Variants in ZDHHC15 observed in about 807,000 individuals in gnomAD.
The protein encoded by ZDHHC15 is zDHHC palmitoyltransferase 15, also known as palmitoyltransferase ZDHHC15.
A neutral mutation model predicts 31.7 loss-of-function variants in ZDHHC15; 19 were observed. The observed-to-expected ratio is 0.60, with a 90% CI of 0.42 to 0.88. The LOEUF (loss-of-function observed/expected upper bound fraction) is 0.88. ZDHHC15 is among the 40% of genes least tolerant of loss of function. The pLI is 0.00. For synonymous variants in ZDHHC15, 103 were observed against 90.0 expected (o/e 1.14, Z -0.82); for missense variants, 209 against 251.2 (o/e 0.83, Z 1.14).
intron 2 of ZDHHC15, among the ~76,000 whole-genome samples, chrX:75,481,771 C>G (rs1383469431): frequency 9.0e-6 from 1 of 111,450 alleles, no homozygotes; most frequent in Non-Finnish European, 1.9e-5. Flanking sequence ...CAGTCCCAGT[C>G]CAGAGTGCTT....
At chrX:75,380,395 T>A (rs946257015) in intron 10 of ZDHHC15, among the ~76,000 whole-genome samples, 2 of 112,011 alleles carry the variant, frequency 1.8e-5, no homozygotes, top group African/African-American at 6.5e-5. Flanking sequence ...TTTTTAGGTG[T>A]GGTTTGGTGA....
intron 2 of ZDHHC15, among the ~76,000 whole-genome samples, chrX:75,491,784 G>A (rs1450801213): frequency 9.0e-6 from 1 of 110,939 alleles, no homozygotes; most frequent in Admixed American, 9.6e-5. Context: ...AAGAGCTCCT[G>A]AAGGAAGCGC....
At chrX:75,456,492 T>TA (rs1232405871) in intron 3 of ZDHHC15, among the ~76,000 whole-genome samples, 1 of 110,383 alleles carries the variant, frequency 9.1e-6, no homozygotes, top group Non-Finnish European at 1.9e-5. Context: ...CCCTAGAACT[T>TA]AAAGTATAAT....
intron 3 of ZDHHC15, among the ~76,000 whole-genome samples, chrX:75,455,714 G>A (rs1206849696): frequency 8.9e-6 from 1 of 112,133 alleles, no homozygotes; most frequent in Non-Finnish European, 1.9e-5. Context: ...GATATGAACA[G>A]ACACTTTTCA....
chrX:75,401,636 G>A (rs2083359147), intron 10 of ZDHHC15, among the ~76,000 whole-genome samples: 1 of 112,149 alleles, frequency 8.9e-6, no homozygotes, highest in East Asian at 2.8e-4. Flanking sequence ...TATAAAAAAA[G>A]ACAAGGAAGG....
chrX:75,478,912 G>C lies in ZDHHC15; in HGVS notation c.237C>G (p.Leu79=), dbSNP rs1021256083. ...TTACCTTCTGGTTTGGCTGCTGTGG[G>C]AGTGTAAAGATAGACTTCCAGTAGG... The part of the protein sequence containing the change: ...TWTYWKSIFT[L]PQQPNQKFHL... Residue 79 remains leucine, a synonymous_variant, in exon 3 of 12, where the codon CTC becomes CTG. Coordinates refer to ENST00000373367, the MANE Select transcript of ZDHHC15 (RefSeq NM_144969.3). 2 of 1,201,797 alleles carry C rather than the reference G, an allele frequency of 1.7e-6. No homozygotes were observed. The highest frequency in any genetic ancestry group is 3.5e-5 in the African/African-American group (2 of 56,620).
At chrX:75,479,035 A>C in intron 2 of ZDHHC15, 50 bp from the exon 3 acceptor site, 1 of 877,933 alleles carries the variant, frequency 1.1e-6, no homozygotes, top group South Asian at 2.9e-5. Flanking sequence ...ATCCATTTCT[A>C]AGAATTCAAA....
chrX:75,406,818 A>G (rs769740152), intron 10 of ZDHHC15, among the ~76,000 whole-genome samples: 2 of 111,699 alleles, frequency 1.8e-5, no homozygotes, highest in South Asian at 7.5e-4. Flanking sequence ...AGGTGGGAAT[A>G]CTACTAAACT....
intron 7 of ZDHHC15, among the ~76,000 whole-genome samples, chrX:75,427,384 C>G (rs1046483467): frequency 8.9e-6 from 1 of 111,773 alleles, no homozygotes; most frequent in African/African-American, 3.2e-5. Flanking sequence ...TAATTCATAT[C>G]CAAATATTAT....
chrX:75,454,268 T>G (rs753354883), intron 3 of ZDHHC15, among the ~76,000 whole-genome samples: 1 of 111,624 alleles, frequency 9.0e-6, no homozygotes, highest in Admixed American at 9.6e-5. Flanking sequence ...AAATCATGAG[T>G]GAACTCCCAT....
rs190091506 is a variant in ZDHHC15 at position 75,395,474 on chromosome X, A to G, written c.968-16276T>C. Among the ~76,000 whole-genome samples, 885 of 111,734 alleles carry G rather than the reference A, an allele frequency of 7.9e-3. 11 individuals carry two copies. Among genetic ancestry groups the G allele is most frequent in the African/African-American group, 0.026 (816 of 30,824 alleles). ...TCACAATAGGTAAAATAAAATACCC[A>G]TAAATTAGCTTAACCAAAGAAGTGA... On this transcript the variant is annotated intron_variant, in intron 10 of 11. Coordinates refer to ENST00000373367, the MANE Select transcript of ZDHHC15 (RefSeq NM_144969.3).
At chrX:75,386,635 C>T (rs1280577750) in intron 10 of ZDHHC15, among the ~76,000 whole-genome samples, 2 of 109,812 alleles carry the variant, frequency 1.8e-5, no homozygotes, top group African/African-American at 6.6e-5. Context: ...ACCACGACAC[C>T]CAGTTAATTT....
chrX:75,447,861 C>T (rs1477686604), intron 4 of ZDHHC15, among the ~76,000 whole-genome samples: 2 of 111,775 alleles, frequency 1.8e-5, no homozygotes, highest in African/African-American at 3.3e-5. Context: ...TTGGAATCCT[C>T]GTATCTCTGA....
At chrX:75,487,833 C>T (rs1262303464) in intron 2 of ZDHHC15, among the ~76,000 whole-genome samples, 1 of 111,647 alleles carries the variant, frequency 9.0e-6, no homozygotes, top group Admixed American at 9.5e-5. Flanking sequence ...TCATAAAAGA[C>T]AAACACAAAT....
intron 3 of ZDHHC15, among the ~76,000 whole-genome samples, chrX:75,462,400 G>A (rs768267041): frequency 9.2e-4 from 103 of 111,993 alleles, no homozygotes; most frequent in Non-Finnish European, 1.4e-3. Flanking sequence ...TGCAGAACCC[G>A]AACACATCTC....
intron 10 of ZDHHC15, among the ~76,000 whole-genome samples, chrX:75,407,267 T>A (rs2083424016): frequency 9.1e-6 from 1 of 109,494 alleles, no homozygotes; most frequent in Admixed American, 9.5e-5. Context: ...CCGCCCCGTC[T>A]GAGAAGTGAG....
intron 10 of ZDHHC15, among the ~76,000 whole-genome samples, chrX:75,407,178 C>T (rs941508494): frequency 6.4e-5 from 7 of 110,119 alleles, no homozygotes; most frequent in Non-Finnish European, 9.5e-5. Context: ...TCTGCCTGGC[C>T]GCGACCCCAT....
intron 10 of ZDHHC15, among the ~76,000 whole-genome samples, chrX:75,392,632 G>C (rs1244805456): frequency 8.9e-6 from 1 of 111,938 alleles, no homozygotes; most frequent in Non-Finnish European, 1.9e-5. Context: ...AACTGCAACC[G>C]CATCAATCCC....
chrX:75,501,738 T>C (rs1322961457), intron 2 of ZDHHC15: 1 of 102,674 alleles, frequency 9.7e-6, no homozygotes. Context: ...GCCACAGGTA[T>C]GTTTTCTTTT....
Sources: gnomAD v4.1 joint callset for allele counts (sites outside exome capture counted in the v4.1 genomes callset) on GRCh38, gnomAD v4.1.1 for gene constraint, MANE v1.5 for transcripts, NCBI Gene and HGNC (gene_info 2026-07-23, HGNC 2026-07-21) for gene names.